The following LIN7A variants were observed in gnomAD, a reference collection of about 807,000 sequenced individuals.
LIN7A encodes protein lin-7 homolog A.
In LIN7A, 25 loss-of-function variants were observed where a neutral mutation model predicts 29.8. The observed-to-expected ratio is 0.84, with a 90% confidence interval of 0.61 to 1.17. The LOEUF (loss-of-function observed/expected upper bound fraction) is 1.17, where lower values mean the gene tolerates loss of function less well. LIN7A is among the 50% of genes most tolerant of loss of function. The pLI is 0.00. For synonymous variants in LIN7A, 118 were observed against 107.5 expected, an observed-to-expected ratio of 1.10 and a Z score of -0.60; for missense variants, 239 against 287.0, an observed-to-expected ratio of 0.83 and a Z score of 1.21.
chr12:80,852,571 C>G (rs1873385364), intron 2 of LIN7A, among the ~76,000 whole-genome samples: 1 of 152,028 alleles, frequency 6.6e-6, no homozygotes, highest in African/African-American at 2.4e-5. Flanking sequence ...ATTCTAATAG[C>G]TGCTATTATT....
chr12:80,878,580 G>C (rs1475170735), intron 2 of LIN7A, among the ~76,000 whole-genome samples: 1 of 152,136 alleles, frequency 6.6e-6, no homozygotes, highest in African/African-American at 2.4e-5. Context: ...AAGAGAGAAA[G>C]AACAATACTT....
intron 5 of LIN7A, among the ~76,000 whole-genome samples, chr12:80,803,629 C>A (rs925048081): frequency 2.6e-5 from 4 of 151,918 alleles, no homozygotes; most frequent in African/African-American, 7.3e-5. Context: ...TGGTTCCATG[C>A]AAATTTTGGG....
intron 2 of LIN7A, among the ~76,000 whole-genome samples, chr12:80,856,499 C>T (rs537927499): frequency 6.6e-6 from 1 of 152,136 alleles, no homozygotes; most frequent in African/African-American, 2.4e-5. Context: ...GGTAACTGTG[C>T]CATGTGAAAT....
intron 2 of LIN7A, among the ~76,000 whole-genome samples, chr12:80,880,102 T>A (rs548299282): frequency 3.3e-5 from 5 of 152,300 alleles, no homozygotes; most frequent in African/African-American, 1.2e-4. Flanking sequence ...GTCTTTCTCA[T>A]TTTCAACTCC....
At chr12:80,833,480 C>T (rs1872469951) in intron 4 of LIN7A, among the ~76,000 whole-genome samples, 1 of 152,216 alleles carries the variant, frequency 6.6e-6, no homozygotes, top group Non-Finnish European at 1.5e-5. Flanking sequence ...TGATCTTCCA[C>T]CTCCGGCTTT....
rs1453855075 is a variant in LIN7A, at chr12:80,811,679, A to G, written c.488T>C (p.Val163Ala). 6.2e-7 allele frequency: 1 copy of G among 1,607,378 alleles called. No homozygotes were observed. The highest frequency in any genetic ancestry group is 8.5e-7 in the Non-Finnish European group (1 of 1,174,486). Residue 163 changes from valine to alanine, a missense_variant, in exon 5 of 6, where the codon GTG becomes GCG. Val to Ala is a moderately conservative substitution (Grantham distance 64). Transcript: ENST00000552864. ...AGCTTTCTCATGGTGTTCTCCTTCC[A>G]CACTCTGAAAATACAATGACACTTC... ...DQLLSVNGVS[V>A]EGEHHEKAVE...
chr12:80,810,491 T>C (rs1352136447), intron 5 of LIN7A, among the ~76,000 whole-genome samples: 1 of 152,038 alleles, frequency 6.6e-6, no homozygotes, highest in South Asian at 2.1e-4. Context: ...AATGTATTCA[T>C]CCCTTGATAG....
At chr12:80,822,440 T>C (rs1194448696) in intron 4 of LIN7A, among the ~76,000 whole-genome samples, 1 of 152,022 alleles carries the variant, frequency 6.6e-6, no homozygotes, top group African/African-American at 2.4e-5. Flanking sequence ...CGCCTGGAAT[T>C]CCAGCTACTC....
intron 2 of LIN7A, among the ~76,000 whole-genome samples, chr12:80,863,857 C>A (rs950200909): frequency 5.3e-5 from 8 of 151,922 alleles, no homozygotes; most frequent in South Asian, 2.1e-4. Flanking sequence ...GCTGGAAACT[C>A]TTTTTTAACA....
intron 1 of LIN7A, among the ~76,000 whole-genome samples, chr12:80,921,278 A>G (rs1877287288): frequency 6.6e-6 from 1 of 151,740 alleles, no homozygotes; most frequent in African/African-American, 2.4e-5. Flanking sequence ...GAACCATAAG[A>G]AATATATATC....
intron 1 of LIN7A, among the ~76,000 whole-genome samples, chr12:80,914,962 C>T (rs1016859693): frequency 1.3e-5 from 2 of 151,998 alleles, no homozygotes; most frequent in African/African-American, 2.4e-5. Flanking sequence ...GTGGGAGGAT[C>T]ACTTGAGCCT....
intron 4 of LIN7A, among the ~76,000 whole-genome samples, chr12:80,838,271 T>C (rs1433370202): frequency 2.0e-5 from 3 of 152,212 alleles, no homozygotes; most frequent in African/African-American, 7.2e-5. Flanking sequence ...TATGAAGGAA[T>C]GAGAGACCTG....
intron 4 of LIN7A, among the ~76,000 whole-genome samples, chr12:80,823,438 C>A (rs560708625): frequency 1.3e-5 from 2 of 152,326 alleles, no homozygotes; most frequent in South Asian, 4.1e-4. Flanking sequence ...CCTGGTCCAG[C>A]CACAGCCTTC....
intron 4 of LIN7A, among the ~76,000 whole-genome samples, chr12:80,841,391 GGAAGGAAGGAAGGA>G (rs1243093093): frequency 2.7e-4 from 40 of 147,138 alleles, no homozygotes; most frequent in African/African-American, 9.0e-4. Context: ...AAGGAAGGAA[GGAAGGAAGGAAGGA>G]AGGAGGGAAA....
intron 4 of LIN7A, among the ~76,000 whole-genome samples, chr12:80,812,388 C>T (rs1188464940): frequency 2.7e-5 from 4 of 148,156 alleles, no homozygotes; most frequent in Non-Finnish European, 5.9e-5. Flanking sequence ...TTTAAAATGC[C>T]ACAGGAAAAA....
At chr12:80,874,335 G>C (rs1874576074) in intron 2 of LIN7A, among the ~76,000 whole-genome samples, 1 of 152,174 alleles carries the variant, frequency 6.6e-6, no homozygotes, top group Non-Finnish European at 1.5e-5. Flanking sequence ...ATTTGTGGTA[G>C]ATCCAGAAAT....
rs968247960 is a variant in LIN7A at position 80,831,938 on chromosome 12, G to T, written c.483+13792C>A. ...AATAAGGGGAATTTCAGGATGAGTG[G>T]CTGTGCACTGTCTAGCCTGGTGGCC... On this transcript the variant is annotated intron_variant, in intron 4 of 5. Coordinates refer to ENST00000552864, the MANE Select transcript of LIN7A (RefSeq NM_004664.4). Among the ~76,000 whole-genome samples the T allele has an allele frequency of 9.2e-5, 14 of 152,194 alleles. No individual in the cohort carries two copies. The East Asian group carries it at 2.5e-3, about 27-fold the overall frequency.
intron 2 of LIN7A, among the ~76,000 whole-genome samples, chr12:80,871,537 T>C (rs1306956812): frequency 1.3e-5 from 2 of 152,110 alleles, no homozygotes; most frequent in Non-Finnish European, 2.9e-5. Flanking sequence ...GTTGTCATTA[T>C]GTATATCAAT....
rs754473048 is a variant in LIN7A, at chr12:80,795,706, T to A, written c.*2021A>T. ...TTCCCTTCATGAGAATCCTGTGGCA[T>A]TGCCTGAATAGCTTTAATATATCTT... On this transcript the variant is annotated 3_prime_UTR_variant, in exon 6 of 6. Transcript: ENST00000552864. The A allele has an allele frequency of 3.3e-5, 5 of 152,174 alleles. No homozygotes were observed. The highest frequency in any genetic ancestry group is 4.4e-5 in the Non-Finnish European group (3 of 67,996). The allele number at this position is 152,174 out of a possible 1,614,324, so 9.4% of individuals were successfully genotyped here.
Sources: allele counts gnomAD v4.1 joint callset (sites outside exome capture counted in the v4.1 genomes callset), GRCh38; gene constraint gnomAD v4.1.1; transcripts MANE v1.5; gene names NCBI Gene and HGNC (gene_info 2026-07-23, HGNC 2026-07-21).